TUBGCP3: variants seen among roughly 807,000 people sequenced by gnomAD.
The protein encoded by TUBGCP3 is gamma-tubulin complex component 3.
Under a neutral mutation model 123.1 loss-of-function variants are expected in TUBGCP3, and 50 were observed. The observed-to-expected ratio is 0.41, with a 90% confidence interval of 0.32 to 0.51. The LOEUF is 0.51. Ranked by LOEUF, TUBGCP3 falls within the 20% of genes least tolerant of loss-of-function variation. The probability of loss-of-function intolerance (pLI) is 0.36; values close to 1 mark genes in which losing one functional copy is unlikely to be tolerated. For synonymous variants in TUBGCP3, 405 were observed against 413.9 expected, an observed-to-expected ratio of 0.98 and a Z score of 0.26; for missense variants, 882 against 1,127.0, an observed-to-expected ratio of 0.78 and a Z score of 3.11.
At chr13:112,518,130 G>A (rs142808050) in intron 16 of TUBGCP3, among the ~76,000 whole-genome samples, 10 of 152,244 alleles carry the variant, frequency 6.6e-5, no homozygotes, top group Non-Finnish European at 1.3e-4. Context: ...TCTCACTGTA[G>A]ACAGGAGAGA....
intron 5 of TUBGCP3, among the ~76,000 whole-genome samples, chr13:112,556,889 G>A (rs765349984): frequency 2.0e-5 from 3 of 152,164 alleles, no homozygotes; most frequent in Non-Finnish European, 4.4e-5. Context: ...GTTTTGACAG[G>A]TGCAACAAAA....
chr13:112,521,466 C>T (rs1173380341), intron 14 of TUBGCP3, among the ~76,000 whole-genome samples: 1 of 152,158 alleles, frequency 6.6e-6, no homozygotes, highest in Non-Finnish European at 1.5e-5. Context: ...CTGGAACTGG[C>T]TGGAAATGCA....
chr13:112,525,644 G>A (rs1276659912), intron 13 of TUBGCP3, among the ~76,000 whole-genome samples: 1 of 152,174 alleles, frequency 6.6e-6, no homozygotes, highest in Non-Finnish European at 1.5e-5. Context: ...TGGGGCAGGC[G>A]GCAAATGGGG....
At chr13:112,566,733 A>G (rs1241474267) in intron 2 of TUBGCP3, among the ~76,000 whole-genome samples, 1 of 152,226 alleles carries the variant, frequency 6.6e-6, no homozygotes, top group Non-Finnish European at 1.5e-5. Flanking sequence ...TCACAGCACA[A>G]TAAAATAAGA....
chr13:112,559,563 C>T (rs571977149), intron 3 of TUBGCP3, among the ~76,000 whole-genome samples, 164 bp from the exon 4 acceptor site: 9 of 152,270 alleles, frequency 5.9e-5, no homozygotes, highest in African/African-American at 1.9e-4. Flanking sequence ...GCCACCCATC[C>T]GAAGGCGGAA....
chr13:112,526,588 ACAT>A lies in TUBGCP3; in HGVS notation c.1555+351_1555+353del, dbSNP rs528536096. 1.8e-3 allele frequency among the ~76,000 whole-genome samples: 251 copies of A among 137,400 alleles called. 1 individual carries two copies. Among genetic ancestry groups the A allele is most frequent in the Middle Eastern group, 8.9e-3 (2 of 224 alleles). The allele number at this position is 137,400 out of a possible 152,430, so 90.1% of individuals were successfully genotyped here. Reference sequence around the variant, plus strand: ...ACATCACCATAATCACACCATCACCACATCATCACCATCATCATCATCACCATC... The same window carrying A: ...ACATCACCATAATCACACCATCACCACATCACCATCATCATCATCACCATC... On this transcript the variant is annotated intron_variant, in intron 13 of 21. Coordinates refer to ENST00000261965, the MANE Select transcript of TUBGCP3 (RefSeq NM_006322.6).
chr13:112,601,454 C>T, the TUBGCP3 span, among the ~76,000 whole-genome samples: 2 of 152,164 alleles, frequency 1.3e-5, no homozygotes, highest in African/African-American at 2.4e-5. Context: ...CTCTCGGTAG[C>T]GTTAACAGCG....
chr13:112,549,927 T>C (rs2139189479), intron 8 of TUBGCP3, among the ~76,000 whole-genome samples: 1 of 146,880 alleles, frequency 6.8e-6, no homozygotes, highest in South Asian at 2.1e-4. Context: ...GAGGCGGGGC[T>C]TGCAGTGAGC....
chr13:112,597,410 A>C, the TUBGCP3 span, among the ~76,000 whole-genome samples: 1 of 152,238 alleles, frequency 6.6e-6, no homozygotes, highest in African/African-American at 2.4e-5. Context: ...TCTAGCCTCA[A>C]AGTACCTCTA....
intron 20 of TUBGCP3, chr13:112,498,708 A>G: frequency 7.0e-7 from 1 of 1,426,928 alleles, no homozygotes; most frequent in Non-Finnish European, 9.3e-7. Flanking sequence ...CACAAGCTTC[A>G]AACACAGAGT....
At chr13:112,571,955 G>T (rs1011108386) in intron 1 of TUBGCP3, among the ~76,000 whole-genome samples, 4 of 152,196 alleles carry the variant, frequency 2.6e-5, no homozygotes, top group Non-Finnish European at 4.4e-5. Flanking sequence ...TCTTGCTCAA[G>T]ATTAGGTTTT....
the TUBGCP3 span, among the ~76,000 whole-genome samples, chr13:112,598,217 CAAAG>C: frequency 6.6e-6 from 1 of 151,494 alleles, no homozygotes; most frequent in African/African-American, 2.4e-5. Context: ...ATATATTTTA[CAAAG>C]AAAGAGAAAC....
At chr13:112,506,888 A>C (rs1262467758) in intron 17 of TUBGCP3, among the ~76,000 whole-genome samples, 1 of 152,178 alleles carries the variant, frequency 6.6e-6, no homozygotes, top group African/African-American at 2.4e-5. Context: ...CTTGCACTCA[A>C]CTTTAGGTTT....
chr13:112,553,063 T>G (rs1879719735), intron 8 of TUBGCP3, among the ~76,000 whole-genome samples: 1 of 128,312 alleles, frequency 7.8e-6, no homozygotes, highest in Non-Finnish European at 1.6e-5. Context: ...ATGCTCCTAC[T>G]CCCAGCCACG....
At chr13:112,488,591 G>A (rs915533270) in intron 21 of TUBGCP3, among the ~76,000 whole-genome samples, 1 of 151,210 alleles carries the variant, frequency 6.6e-6, no homozygotes, top group African/African-American at 2.5e-5. Context: ...CCACGGGGGA[G>A]CGCAGGGGCC....
At chr13:112,514,193 G>T (rs1277978946) in intron 17 of TUBGCP3, among the ~76,000 whole-genome samples, 1 of 147,384 alleles carries the variant, frequency 6.8e-6, no homozygotes, top group African/African-American at 2.5e-5. Flanking sequence ...CACTTACTGT[G>T]CCTAACCTAT....
At chr13:112,535,843 A>T (rs1878001269) in intron 11 of TUBGCP3, among the ~76,000 whole-genome samples, 1 of 152,184 alleles carries the variant, frequency 6.6e-6, no homozygotes, top group Admixed American at 6.5e-5. Context: ...ACTGCTGCCA[A>T]ATCCATGGTC....
At chr13:112,600,875 C>G in the TUBGCP3 span, among the ~76,000 whole-genome samples, 3 of 152,040 alleles carry the variant, frequency 2.0e-5, no homozygotes, top group African/African-American at 7.2e-5. Flanking sequence ...AACACTGTTT[C>G]TTTGATTCTA....
chr13:112,489,546 T>C (rs1481298947), intron 21 of TUBGCP3, 35 bp downstream of exon 21: 1 of 1,403,210 alleles, frequency 7.1e-7, no homozygotes, highest in African/African-American at 1.4e-5. Context: ...ATGGGCAGAG[T>C]GGTGTGAAGA....
Sources: allele counts gnomAD v4.1 joint callset (sites outside exome capture counted in the v4.1 genomes callset), GRCh38; gene constraint gnomAD v4.1.1; transcripts MANE v1.5; gene names NCBI Gene and HGNC (gene_info 2026-07-23, HGNC 2026-07-21).